The following STK3 variants were observed in gnomAD, a reference collection of about 807,000 sequenced individuals.
The protein encoded by STK3 is serine/threonine-protein kinase 3.
In STK3, 41 loss-of-function variants were observed where a neutral mutation model predicts 58.0. The observed-to-expected ratio is 0.71, with a 90% CI of 0.55 to 0.92. The LOEUF (loss-of-function observed/expected upper bound fraction) is 0.92, where lower values mean the gene tolerates loss of function less well. Ranked by LOEUF, STK3 falls within the 40% of genes least tolerant of loss-of-function variation. The pLI, the probability that STK3 is intolerant of heterozygous loss-of-function variation, is 0.00. For synonymous variants in STK3, 170 were observed against 191.0 expected, an observed-to-expected ratio of 0.89 and a Z score of 0.91; for missense variants, 479 against 602.7, an observed-to-expected ratio of 0.79 and a Z score of 2.15.
At chr8:98,884,784 G>A (rs1837918717) in intron 1 of STK3, among the ~76,000 whole-genome samples, 1 of 152,078 alleles carries the variant, frequency 6.6e-6, no homozygotes, top group Non-Finnish European at 1.5e-5. Flanking sequence ...TTTCATGATG[G>A]GAGTAATCAT....
intron 10 of STK3, among the ~76,000 whole-genome samples, chr8:98,485,142 G>A (rs1822148729): frequency 2.0e-5 from 3 of 152,116 alleles, no homozygotes; most frequent in Admixed American, 2.0e-4. Flanking sequence ...TTGGGAGGCT[G>A]AGGCAGGAGA....
At chr8:98,904,725 C>T (rs751605494) in intron 1 of STK3, 7 of 831,088 alleles carry the variant, frequency 8.4e-6, no homozygotes, top group Non-Finnish European at 1.4e-5. Flanking sequence ...CCGTAGCCCT[C>T]TCCAACTGTG....
At chr8:98,798,186 G>T (rs2131611217) in intron 1 of STK3, among the ~76,000 whole-genome samples, 1 of 152,254 alleles carries the variant, frequency 6.6e-6, no homozygotes, top group East Asian at 1.9e-4. Context: ...TTCTCCAGGA[G>T]TAAAAAGTTT....
At chr8:98,632,309 C>T (rs1413529276) in intron 6 of STK3, among the ~76,000 whole-genome samples, 2 of 152,140 alleles carry the variant, frequency 1.3e-5, no homozygotes, top group Non-Finnish European at 2.9e-5. Flanking sequence ...TGTGAACTCA[C>T]CTCAAGAGAA....
At chr8:98,741,342 G>A (rs1422746898) in intron 4 of STK3, among the ~76,000 whole-genome samples, 1 of 152,092 alleles carries the variant, frequency 6.6e-6, no homozygotes, top group Non-Finnish European at 1.5e-5. Context: ...CACATAGTTG[G>A]AAGTAAAGCT....
chr8:98,676,044 C>T (rs1229184444), intron 6 of STK3, among the ~76,000 whole-genome samples: 1 of 152,168 alleles, frequency 6.6e-6, no homozygotes, highest in African/African-American at 2.4e-5. Flanking sequence ...ATATGAAATT[C>T]TGACAGTTAC....
intron 10 of STK3, among the ~76,000 whole-genome samples, chr8:98,509,153 C>CA (rs1158811495): frequency 1.3e-5 from 2 of 151,898 alleles, no homozygotes; most frequent in Non-Finnish European, 2.9e-5. Context: ...ATTATACGAA[C>CA]AAAATATCTT....
At chr8:98,654,698 A>T (rs1397980903) in intron 6 of STK3, among the ~76,000 whole-genome samples, 1 of 152,148 alleles carries the variant, frequency 6.6e-6, no homozygotes, top group African/African-American at 2.4e-5. Context: ...TAACAGACAA[A>T]CAGAGAGCCA....
At chr8:98,425,059 AG>A (rs1328984622) in intron 3 of STK3, among the ~76,000 whole-genome samples, 1 of 152,200 alleles carries the variant, frequency 6.6e-6, no homozygotes, top group Admixed American at 6.5e-5. Flanking sequence ...GGATTGGAAA[AG>A]GGTGAAAGAG....
intron 2 of STK3, among the ~76,000 whole-genome samples, chr8:98,434,979 G>A (rs990421903): frequency 6.6e-6 from 1 of 152,208 alleles, no homozygotes; most frequent in Admixed American, 6.5e-5. Context: ...AGCCCAGCAA[G>A]TCCTCCTGGG....
At chr8:98,479,494 G>GT (rs1380115518) in intron 10 of STK3, among the ~76,000 whole-genome samples, 1 of 99,816 alleles carries the variant, frequency 1.0e-5, no homozygotes, top group Non-Finnish European at 2.0e-5. Flanking sequence ...CTCGGGGGGG[G>GT]GGGGGGGGCG....
chr8:98,614,009 T>C (rs759432218), intron 6 of STK3, among the ~76,000 whole-genome samples: 2 of 152,148 alleles, frequency 1.3e-5, no homozygotes, highest in Non-Finnish European at 2.9e-5. Flanking sequence ...AGCACTAATG[T>C]ATATGTACCA....
chr8:98,755,651 A>G (rs917802174), intron 3 of STK3, among the ~76,000 whole-genome samples: 2 of 152,240 alleles, frequency 1.3e-5, no homozygotes, highest in Non-Finnish European at 1.5e-5. Context: ...TCCAGAGTTC[A>G]TATGTATACA....
chr8:98,630,800 G>A (rs950262413), intron 6 of STK3, among the ~76,000 whole-genome samples: 3 of 143,008 alleles, frequency 2.1e-5, no homozygotes, highest in East Asian at 1.9e-4. Context: ...AGGAAGAAGA[G>A]GAAGAGGAAG....
intron 6 of STK3, among the ~76,000 whole-genome samples, chr8:98,645,893 C>T (rs1173799024): frequency 6.6e-6 from 1 of 151,990 alleles, no homozygotes; most frequent in African/African-American, 2.4e-5. Context: ...GTCTAGAATT[C>T]CTGAGCTCAA....
Position 98,548,082 on chromosome 8 carries a change from A to T in STK3, c.1028T>A (p.Met343Lys). 6.2e-7 allele frequency: 1 copy of T among 1,609,176 alleles called. No homozygotes were observed. The highest frequency in any genetic ancestry group is 8.5e-7 in the Non-Finnish European group (1 of 1,177,852). The stretch of plus-strand genomic sequence containing the variant: ...AATCATGGTCTGGGCCCCTTCACTC[A>T]TCGTGCTTGTGGCCCGCATGGTGCC... ...SVGTMRATSTMSEGAQTMIEH... is the reference protein window; with the variant it reads ...SVGTMRATSTKSEGAQTMIEH... The change falls in exon 9 of 11, where the codon ATG becomes AAG. Residue 343 changes from methionine (M) to lysine (K), a missense_variant. This residue lies in a region of STK3 where 309 missense variants were observed against 355.7 expected (regional missense o/e 0.87). Coordinates refer to ENST00000419617, the MANE Select transcript of STK3 (RefSeq NM_006281.4).
chr8:98,799,664 A>G (rs987919255), intron 1 of STK3, among the ~76,000 whole-genome samples: 2 of 152,270 alleles, frequency 1.3e-5, no homozygotes, highest in Admixed American at 6.5e-5. Context: ...AGACCCTATC[A>G]GTACCCCTCA....
chr8:98,360,681 A>T, the STK3 span, among the ~76,000 whole-genome samples: 14 of 152,246 alleles, frequency 9.2e-5, 1 homozygote, highest in South Asian at 2.1e-4. Flanking sequence ...TCTCACTCAC[A>T]GACACTTTCA....
chr8:98,524,304 T>C (rs1222831912), intron 10 of STK3, among the ~76,000 whole-genome samples: 1 of 152,226 alleles, frequency 6.6e-6, no homozygotes, highest in Non-Finnish European at 1.5e-5. Context: ...AATTTTGTTT[T>C]TCTTTTTCAA....
Sources: allele counts gnomAD v4.1 joint callset (sites outside exome capture counted in the v4.1 genomes callset), GRCh38; gene constraint gnomAD v4.1.1; regional missense constraint gnomAD v4.1.1; transcripts MANE v1.5; gene names NCBI Gene and HGNC (gene_info 2026-07-23, HGNC 2026-07-21).